ATE1: variants seen among roughly 807,000 people sequenced by gnomAD.
ATE1 encodes arginyltransferase 1, also known as arginyl-tRNA--protein transferase 1.
In ATE1, 36 loss-of-function variants were observed where a neutral mutation model predicts 70.5. The ratio of observed to expected loss-of-function variants is 0.51; its 90% CI spans 0.39 to 0.67. The LOEUF (loss-of-function observed/expected upper bound fraction) is 0.67, where lower values mean the gene tolerates loss of function less well. Among genes scored for constraint, ATE1 ranks in the 30% least tolerant of loss-of-function variants. The pLI is 0.00. For synonymous variants in ATE1, 232 were observed against 219.3 expected, an observed-to-expected ratio of 1.06 and a Z score of -0.51; for missense variants, 593 against 629.5, an observed-to-expected ratio of 0.94 and a Z score of 0.62.
Position 121,795,306 on chromosome 10 carries a change from T to C in ATE1, c.1258-5017A>G, listed in dbSNP as rs80299523. 8.9e-3 allele frequency among the ~76,000 whole-genome samples: 1,350 copies of C among 152,232 alleles called. 23 individuals are homozygous for C. The highest frequency in any genetic ancestry group is 0.031 in the African/African-American group (1,294 of 41,536). ...GAATATTTAGTCAATGAACATTACA[T>C]AAATCCTCACTATGTAACAGGCACT... On this transcript the variant is annotated intron_variant, in intron 10 of 11. Transcript: ENST00000224652.
intron 7 of ATE1, among the ~76,000 whole-genome samples, chr10:121,877,135 T>C (rs1417188520): frequency 6.6e-6 from 1 of 152,118 alleles, no homozygotes; most frequent in African/African-American, 2.4e-5. Context: ...CTGTACTGAT[T>C]TCAGAATCCT....
At chr10:121,919,704 C>T (rs985483403) in intron 3 of ATE1, among the ~76,000 whole-genome samples, 6 of 152,024 alleles carry the variant, frequency 3.9e-5, no homozygotes, top group African/African-American at 1.5e-4. Context: ...TCGAGAGTAG[C>T]GCGGCCAACA....
intron 7 of ATE1, among the ~76,000 whole-genome samples, chr10:121,876,165 G>T (rs1406277283): frequency 6.6e-6 from 1 of 152,090 alleles, no homozygotes; most frequent in African/African-American, 2.4e-5. Context: ...ATGGGCAAAT[G>T]CTCAAAGCAA....
chr10:121,925,058 T>C (rs1952032710), intron 1 of ATE1, among the ~76,000 whole-genome samples: 1 of 152,242 alleles, frequency 6.6e-6, no homozygotes, highest in Non-Finnish European at 1.5e-5. Flanking sequence ...GGTATATATT[T>C]ACAGTACAGT....
chr10:121,749,744 A>G (rs1356173073), intron 11 of ATE1, among the ~76,000 whole-genome samples: 1 of 152,192 alleles, frequency 6.6e-6, no homozygotes, highest in African/African-American at 2.4e-5. Context: ...CCTCACTTCT[A>G]CAGTTTCCTC....
At chr10:121,911,946 C>A (rs552481472) in intron 4 of ATE1, among the ~76,000 whole-genome samples, 15 of 152,220 alleles carry the variant, frequency 9.9e-5, no homozygotes, top group African/African-American at 3.4e-4. Flanking sequence ...CGGGATTTCA[C>A]TGTGTTAGCC....
chr10:121,817,431 C>A (rs887487708), intron 10 of ATE1, among the ~76,000 whole-genome samples: 2 of 151,688 alleles, frequency 1.3e-5, no homozygotes, highest in Non-Finnish European at 2.9e-5. Context: ...CCCAGCTACT[C>A]GGGAGGCTGA....
At chr10:121,832,557 A>T (rs527752721) in intron 10 of ATE1, among the ~76,000 whole-genome samples, 1 of 152,326 alleles carries the variant, frequency 6.6e-6, no homozygotes, top group South Asian at 2.1e-4. Flanking sequence ...TTATCATGGT[A>T]GTGAATGTCT....
intron 11 of ATE1, among the ~76,000 whole-genome samples, chr10:121,761,720 T>A (rs897162191): frequency 2.0e-5 from 3 of 152,172 alleles, no homozygotes; most frequent in Non-Finnish European, 4.4e-5. Context: ...CTCCTTTTTT[T>A]ACATTGCCAC....
At chr10:121,866,016 CT>C (rs1299047806) in intron 8 of ATE1, among the ~76,000 whole-genome samples, 2 of 152,178 alleles carry the variant, frequency 1.3e-5, no homozygotes, top group African/African-American at 4.8e-5. Flanking sequence ...AATAATTTGA[CT>C]TTTATTCAAA....
chr10:121,801,290 T>C (rs776029000), intron 10 of ATE1, among the ~76,000 whole-genome samples: 1 of 152,208 alleles, frequency 6.6e-6, no homozygotes, highest in Non-Finnish European at 1.5e-5. Flanking sequence ...ACTTTAAAGC[T>C]TCTTTAAGAC....
intron 8 of ATE1, among the ~76,000 whole-genome samples, chr10:121,864,129 T>A (rs528898401): frequency 6.6e-6 from 1 of 152,314 alleles, no homozygotes; most frequent in East Asian, 1.9e-4. Context: ...TAAAATTCAG[T>A]TCCCAAAGAG....
chr10:121,894,201 G>A (rs868445500), intron 7 of ATE1, among the ~76,000 whole-genome samples: 1 of 149,674 alleles, frequency 6.7e-6, no homozygotes, highest in South Asian at 2.1e-4. Flanking sequence ...AAATGGAAAT[G>A]GAAGTAAAAT....
intron 8 of ATE1, among the ~76,000 whole-genome samples, chr10:121,853,181 G>A (rs940352795): frequency 1.3e-5 from 2 of 151,858 alleles, no homozygotes; most frequent in Non-Finnish European, 2.9e-5. Flanking sequence ...TGGCTAACAC[G>A]GTGAAACCCC....
intron 5 of ATE1, among the ~76,000 whole-genome samples, chr10:121,903,756 G>C (rs2134338488): frequency 6.6e-6 from 1 of 152,088 alleles, no homozygotes; most frequent in Admixed American, 6.6e-5. Context: ...GCAGGTATTT[G>C]GGTCTCATTA....
chr10:121,891,530 G>A (rs767743445), intron 7 of ATE1, among the ~76,000 whole-genome samples: 2 of 152,068 alleles, frequency 1.3e-5, no homozygotes, highest in African/African-American at 4.8e-5. Context: ...GAGAAGAAAT[G>A]GTTTAGAGCT....
chr10:121,826,793 C>T (rs892205475), intron 10 of ATE1, among the ~76,000 whole-genome samples: 1 of 152,152 alleles, frequency 6.6e-6, no homozygotes, highest in African/African-American at 2.4e-5. Context: ...TAGTAGTCCC[C>T]AATGTCTACT....
Position 121,902,514 on chromosome 10 carries a change from C to T in ATE1, c.690G>A (p.Glu230=), listed in dbSNP as rs1951021124. 1.9e-6 allele frequency: 3 copies of T among 1,614,074 alleles called. No homozygotes were observed. In the African/African-American group the frequency reaches 4.0e-5, roughly 22 times the overall value. ...GTGGGTGACCTTGAGCCTGGAAACCCTCAAGTTCTCCAGCTGGGTTCTGCT... is the reference window on the plus strand; with the variant it reads ...GTGGGTGACCTTGAGCCTGGAAACCTTCAAGTTCTCCAGCTGGGTTCTGCT... ...LMQQNPAGEL[E]GFQAQGHPPS... is the part of the protein sequence containing the mutation. Residue 230 remains glutamate (E), a synonymous_variant, in exon 6 of 12, where the codon GAG becomes GAA. Coordinates refer to ENST00000224652, the MANE Select transcript of ATE1 (RefSeq NM_001001976.3).
At chr10:121,777,072 T>C (rs368307600) in intron 11 of ATE1, among the ~76,000 whole-genome samples, 15 of 152,228 alleles carry the variant, frequency 9.9e-5, no homozygotes, top group African/African-American at 3.4e-4. Flanking sequence ...TCAGAGGTCA[T>C]AAAACATATT....
Sources: allele counts gnomAD v4.1 joint callset (sites outside exome capture counted in the v4.1 genomes callset), GRCh38; gene constraint gnomAD v4.1.1; transcripts MANE v1.5; gene names NCBI Gene and HGNC (gene_info 2026-07-23, HGNC 2026-07-21).